Variants in IL16 observed in about 807,000 individuals in gnomAD.
IL16 encodes pro-interleukin-16.
A neutral mutation model predicts 110.1 loss-of-function variants in IL16; 67 were observed. The ratio of observed to expected loss-of-function variants is 0.61; its 90% CI spans 0.50 to 0.75. The LOEUF (loss-of-function observed/expected upper bound fraction) is 0.75. Among genes scored for constraint, IL16 ranks in the 30% least tolerant of loss-of-function variants. The pLI, the probability that IL16 is intolerant of heterozygous loss-of-function variation, is 0.00. For synonymous variants in IL16, 689 were observed against 662.9 expected, an observed-to-expected ratio of 1.04 and a Z score of -0.61; for missense variants, 1,545 against 1,655.0, an observed-to-expected ratio of 0.93 and a Z score of 1.15.
chr15:81,257,898 T>G (rs1210680873), intron 2 of IL16, among the ~76,000 whole-genome samples: 1 of 152,116 alleles, frequency 6.6e-6, no homozygotes, highest in African/African-American at 2.4e-5. Flanking sequence ...TATCCAAAGA[T>G]TCTATACTCA....
intron 1 of IL16, among the ~76,000 whole-genome samples, chr15:81,205,407 G>A (rs550564877): frequency 4.6e-5 from 7 of 152,094 alleles, no homozygotes; most frequent in Non-Finnish European, 7.4e-5. Flanking sequence ...CTCTTGCATA[G>A]GGAAGAGGCA....
At chr15:81,228,564 T>A (rs1309855659) in intron 2 of IL16, among the ~76,000 whole-genome samples, 1 of 152,076 alleles carries the variant, frequency 6.6e-6, no homozygotes, top group Non-Finnish European at 1.5e-5. Flanking sequence ...CCTCAAGTGA[T>A]CTGCCCGCCT....
chr15:81,195,660 G>A (rs990045907), upstream of IL16, among the ~76,000 whole-genome samples: 1 of 152,128 alleles, frequency 6.6e-6, no homozygotes, highest in African/African-American at 2.4e-5. Context: ...CCTACAGGTT[G>A]CACCTACACC....
intron 2 of IL16, among the ~76,000 whole-genome samples, chr15:81,258,730 GCTCTCT>G (rs145587698): frequency 2.0e-5 from 3 of 147,730 alleles, no homozygotes; most frequent in Admixed American, 6.8e-5. Context: ...TCGCGCACGC[GCTCTCT>G]CTCTCTCTCT....
At chr15:81,182,770 A>G (rs963199255) in exon 1 of IL16, 35 of 738,098 alleles carry the variant, frequency 4.7e-5, no homozygotes, top group Non-Finnish European at 7.0e-5. Flanking sequence ...CCCAGCCGAG[A>G]AGCTGCCATC....
At chr15:81,231,324 GTCTCTC>G (rs532872365) in intron 2 of IL16, among the ~76,000 whole-genome samples, 599 of 47,140 alleles carry the variant, frequency 0.013, 3 homozygotes, top group African/African-American at 0.025. Flanking sequence ...AGGTCGGTCT[GTCTCTC>G]TCTCTCTCTC....
At chr15:81,184,810 C>T (rs1186962810) in intron 1 of IL16, among the ~76,000 whole-genome samples, 1 of 152,154 alleles carries the variant, frequency 6.6e-6, no homozygotes, top group East Asian at 1.9e-4. Context: ...GACTCAGTGT[C>T]CCTGTCTATA....
intron 1 of IL16, among the ~76,000 whole-genome samples, chr15:81,211,909 T>C (rs930583270): frequency 2.0e-5 from 3 of 152,202 alleles, no homozygotes; most frequent in African/African-American, 7.2e-5. Context: ...GGATTCAGTT[T>C]GTTGAGGATT....
At chr15:81,242,994 A>G (rs916038345) in intron 2 of IL16, among the ~76,000 whole-genome samples, 3 of 151,002 alleles carry the variant, frequency 2.0e-5, no homozygotes, top group Non-Finnish European at 3.0e-5. Context: ...TGTTTAGCCT[A>G]TTAATAGAGT....
chr15:81,306,646 C>T (rs894949585), intron 18 of IL16, 101 bp downstream of exon 18: 39 of 1,393,914 alleles, frequency 2.8e-5, no homozygotes, highest in Non-Finnish European at 3.4e-5. Flanking sequence ...TTGTTTCCCA[C>T]AACTCCATGT....
chr15:81,275,941 A>G (rs1222546062), intron 6 of IL16, among the ~76,000 whole-genome samples: 1 of 152,228 alleles, frequency 6.6e-6, no homozygotes, highest in Non-Finnish European at 1.5e-5. Context: ...TTTACCAGAT[A>G]TAGCCAAATA....
intron 1 of IL16, among the ~76,000 whole-genome samples, chr15:81,204,932 T>TA (rs72071083): frequency 6.6e-6 from 1 of 151,724 alleles, no homozygotes; most frequent in African/African-American, 2.4e-5. Flanking sequence ...ACCATGATGA[T>TA]AAAAAAATTG....
rs542758328 is a variant in IL16 at position 81,236,192 on chromosome 15, C to G, written c.312+10481C>G. On this transcript the variant is annotated intron_variant, in intron 2 of 18. Transcript: ENST00000683961. ...GTGCTGTGGTTGGAGAAAAGGTGGTCAAGGCCTTCCTTCAGCAGACAAAAT... is the reference window on the plus strand; with the variant it reads ...GTGCTGTGGTTGGAGAAAAGGTGGTGAAGGCCTTCCTTCAGCAGACAAAAT... Among the ~76,000 whole-genome samples, 11 of 152,366 alleles carry G rather than the reference C, an allele frequency of 7.2e-5. No individual in the cohort carries two copies. The South Asian group carries it at 2.1e-3, about 29-fold the overall frequency.
chr15:81,261,849 G>A (rs866622855), intron 3 of IL16, among the ~76,000 whole-genome samples: 1 of 152,158 alleles, frequency 6.6e-6, no homozygotes, highest in East Asian at 1.9e-4. Flanking sequence ...CAGGAGGATC[G>A]CTTGAACCCA....
At chr15:81,253,929 C>T (rs1288254800) in intron 2 of IL16, among the ~76,000 whole-genome samples, 1 of 152,106 alleles carries the variant, frequency 6.6e-6, no homozygotes, top group African/African-American at 2.4e-5. Context: ...ACCTTCCCCT[C>T]CATATCAGGA....
At chr15:81,238,524 TCTTA>T (rs1156693188) in intron 2 of IL16, among the ~76,000 whole-genome samples, 1 of 152,142 alleles carries the variant, frequency 6.6e-6, no homozygotes, top group Non-Finnish European at 1.5e-5. Flanking sequence ...AGTGTAGAAG[TCTTA>T]CTTATATTTA....
At chr15:81,272,415 G>T (rs922047121) in intron 5 of IL16, among the ~76,000 whole-genome samples, 1 of 152,126 alleles carries the variant, frequency 6.6e-6, no homozygotes, top group Non-Finnish European at 1.5e-5. Context: ...CTGCCTTCTG[G>T]CTGCTCCCCA....
chr15:81,201,210 C>T lies in IL16; in HGVS notation c.-102+4058C>T, dbSNP rs1895801354. Among the ~76,000 whole-genome samples the T allele has an allele frequency of 3.3e-5, 5 of 151,670 alleles. No homozygotes were observed. The South Asian group carries it at 1.0e-3, about 32-fold the overall frequency. Reference sequence around the variant, plus strand: ...AAAGAGAAATATATCTAAAAATAATCTTAAAAGACATGATATGTAATTTCT... The same window carrying T: ...AAAGAGAAATATATCTAAAAATAATTTTAAAAGACATGATATGTAATTTCT... On this transcript the variant is annotated intron_variant, in intron 1 of 18. Coordinates refer to ENST00000683961, the MANE Select transcript of IL16 (RefSeq NM_172217.5).
intron 2 of IL16, among the ~76,000 whole-genome samples, chr15:81,238,724 T>C (rs1897253520): frequency 6.6e-6 from 1 of 152,138 alleles, no homozygotes; most frequent in South Asian, 2.1e-4. Context: ...ATTCTTCTTC[T>C]TTCCTTTCCA....
Sources: allele counts gnomAD v4.1 joint callset (sites outside exome capture counted in the v4.1 genomes callset), GRCh38; gene constraint gnomAD v4.1.1; transcripts MANE v1.5; gene names NCBI Gene and HGNC (gene_info 2026-07-23, HGNC 2026-07-21).